The following CTNNA3 variants were observed in gnomAD, a reference collection of about 807,000 sequenced individuals.
CTNNA3 encodes catenin alpha-3.
A neutral mutation model predicts 95.7 loss-of-function variants in CTNNA3; 76 were observed. The observed-to-expected ratio is 0.79, with a 90% CI of 0.66 to 0.96. The LOEUF is 0.96. Among genes scored for constraint, CTNNA3 ranks in the 40% least tolerant of loss-of-function variants. The probability of loss-of-function intolerance (pLI) is 0.00; values close to 1 mark genes in which losing one functional copy is unlikely to be tolerated. For synonymous variants in CTNNA3, 431 were observed against 374.4 expected (o/e 1.15, Z -1.74); for missense variants, 1,191 against 1,089.8 (o/e 1.09, Z -1.31).
At chr10:67,708,383 T>C (rs962462857) in intron 1 of CTNNA3, among the ~76,000 whole-genome samples, 3 of 152,154 alleles carry the variant, frequency 2.0e-5, no homozygotes, top group African/African-American at 7.2e-5. Flanking sequence ...CTTGAATATA[T>C]TCATAAACCA....
chr10:67,262,554 G>A (rs780244643), intron 5 of CTNNA3, among the ~76,000 whole-genome samples: 1 of 152,096 alleles, frequency 6.6e-6, no homozygotes, highest in African/African-American at 2.4e-5. Context: ...AATGTGAGAG[G>A]TCTAGGATCT....
At chr10:66,007,028 C>T (rs1284146165) in intron 15 of CTNNA3, among the ~76,000 whole-genome samples, 5 of 152,090 alleles carry the variant, frequency 3.3e-5, no homozygotes, top group Admixed American at 1.3e-4. Flanking sequence ...CCCCCGCACC[C>T]CCACCATTCT....
chr10:66,184,961 T>C (rs956089581), intron 13 of CTNNA3, among the ~76,000 whole-genome samples: 3 of 152,210 alleles, frequency 2.0e-5, no homozygotes, highest in African/African-American at 7.2e-5. Flanking sequence ...AATTAGACTG[T>C]TGTTGAATAT....
chr10:67,198,613 G>A (rs1273876831), intron 6 of CTNNA3, among the ~76,000 whole-genome samples: 1 of 152,180 alleles, frequency 6.6e-6, no homozygotes, highest in African/African-American at 2.4e-5. Flanking sequence ...ATTCTGCTCT[G>A]TTTTATATCC....
intron 5 of CTNNA3, among the ~76,000 whole-genome samples, chr10:67,507,473 T>A (rs776283182): frequency 2.6e-5 from 4 of 151,118 alleles, no homozygotes; most frequent in Non-Finnish European, 5.9e-5. Context: ...GGCAGAGGTT[T>A]CAGTGAACTG....
chr10:66,063,196 A>G (rs929491247), intron 15 of CTNNA3, among the ~76,000 whole-genome samples: 33 of 71,582 alleles, frequency 4.6e-4, no homozygotes, highest in South Asian at 1.4e-3. Flanking sequence ...GGATACATGT[A>G]TATATATATA....
In CTNNA3 at chr10:67,686,923, C is replaced by A. The variant is rs574454594; in HGVS notation, c.-6+9077G>T. On this transcript the variant is annotated intron_variant, in intron 1 of 17. Transcript: ENST00000433211. Reference sequence around the variant, plus strand: ...CAAGCAGGGGACAACAAATGGGTAACTTGTTCCCCATATTCATAGATAATA... The same window carrying A: ...CAAGCAGGGGACAACAAATGGGTAAATTGTTCCCCATATTCATAGATAATA... Among the ~76,000 whole-genome samples, 13 of 152,142 alleles carry A rather than the reference C, an allele frequency of 8.5e-5. No individual in the cohort carries two copies. In the South Asian group the frequency reaches 1.0e-3, roughly 12 times the overall value.
At chr10:67,460,517 A>G (rs1847336466) in intron 5 of CTNNA3, among the ~76,000 whole-genome samples, 1 of 152,198 alleles carries the variant, frequency 6.6e-6, no homozygotes, top group Non-Finnish European at 1.5e-5. Context: ...GCAATTAGTA[A>G]AAATTATTTG....
chr10:67,575,405 A>G (rs191696379), intron 3 of CTNNA3, among the ~76,000 whole-genome samples: 19 of 151,728 alleles, frequency 1.3e-4, no homozygotes, highest in African/African-American at 3.6e-4. Context: ...TGTTTCTGGC[A>G]TTTTCCCTCT....
chr10:67,024,658 A>G (rs1210467633), intron 7 of CTNNA3, among the ~76,000 whole-genome samples: 1 of 152,202 alleles, frequency 6.6e-6, no homozygotes, highest in Non-Finnish European at 1.5e-5. Context: ...AGCAAAAGTT[A>G]CCTTAGAAAA....
chr10:66,464,185 A>G (rs192842146), intron 11 of CTNNA3, among the ~76,000 whole-genome samples: 75 of 152,304 alleles, frequency 4.9e-4, no homozygotes, highest in African/African-American at 1.7e-3. Context: ...TCCAATGAAC[A>G]TGTATTATTT....
At chr10:66,978,537 A>ATAAATAAAATAAAAAT (rs1850201597) in intron 7 of CTNNA3, among the ~76,000 whole-genome samples, 6 of 97,514 alleles carry the variant, frequency 6.2e-5, no homozygotes, top group Admixed American at 1.1e-4. Flanking sequence ...AAAAAAAAAA[A>ATAAATAAAATAAAAAT]AAAAAAAAAA....
chr10:67,392,620 G>A lies in CTNNA3; in HGVS notation c.579+129222C>T, dbSNP rs1323079483. On this transcript the variant is annotated intron_variant, in intron 5 of 17. Transcript: ENST00000433211. ...ACGCATGCACACGTATGTTTATTGC[G>A]GCACTCTTCACAAGAGCAAAGACTT... Among the ~76,000 whole-genome samples the A allele has an allele frequency of 4.6e-5, 7 of 152,206 alleles. No individual in the cohort carries two copies. In the East Asian group the frequency reaches 9.7e-4, roughly 21 times the overall value.
chr10:67,288,436 T>C (rs752299992), intron 5 of CTNNA3, among the ~76,000 whole-genome samples: 73 of 152,054 alleles, frequency 4.8e-4, no homozygotes, highest in Non-Finnish European at 7.1e-4. Flanking sequence ...ACAGAACTTA[T>C]TCAGTTTATA....
At chr10:66,268,198 C>T (rs1469760868) in intron 13 of CTNNA3, among the ~76,000 whole-genome samples, 1 of 152,194 alleles carries the variant, frequency 6.6e-6, no homozygotes, top group Non-Finnish European at 1.5e-5. Context: ...TTCCTCATCT[C>T]ACATGCTCCT....
chr10:67,600,569 ACACCAAGTT>A (rs1180676300), intron 3 of CTNNA3, among the ~76,000 whole-genome samples: 1 of 152,224 alleles, frequency 6.6e-6, no homozygotes, highest in Admixed American at 6.5e-5. Flanking sequence ...ACACTTGCCA[ACACCAAGTT>A]CACCAAGTTC....
intron 6 of CTNNA3, among the ~76,000 whole-genome samples, chr10:67,187,460 T>G (rs539855402): frequency 2.6e-5 from 4 of 152,244 alleles, no homozygotes; most frequent in Admixed American, 6.5e-5. Flanking sequence ...TCTCATTATG[T>G]TTTTCCACTC....
In CTNNA3 at chr10:66,249,301, G is replaced by T. The variant is rs151181534; in HGVS notation, c.1884+31169C>A. ...ATCAGATCAAGTTAAAAAATCTTCTGCACAGCAAAGAAACTATCCACAAAG... is the reference window on the plus strand; with the variant it reads ...ATCAGATCAAGTTAAAAAATCTTCTTCACAGCAAAGAAACTATCCACAAAG... On this transcript the variant is annotated intron_variant, in intron 13 of 17. Transcript: ENST00000433211. Among the ~76,000 whole-genome samples the T allele has an allele frequency of 8.4e-3, 1,285 of 152,162 alleles. 21 individuals are homozygous for T. Among genetic ancestry groups the T allele is most frequent in the African/African-American group, 0.029 (1,225 of 41,528 alleles).
At chr10:66,280,438 C>T in intron 13 of CTNNA3, 32 bp downstream of exon 13, 1 of 1,576,264 alleles carries the variant, frequency 6.3e-7, no homozygotes, top group African/African-American at 1.4e-5. Context: ...AAGAACATTG[C>T]AATAATTCAA....
Sources: allele counts gnomAD v4.1 joint callset (sites outside exome capture counted in the v4.1 genomes callset), GRCh38; gene constraint gnomAD v4.1.1; transcripts MANE v1.5; gene names NCBI Gene and HGNC (gene_info 2026-07-23, HGNC 2026-07-21).